Variants in SLC16A7 observed in about 807,000 individuals in gnomAD.
The protein encoded by SLC16A7 is monocarboxylate transporter 2.
Under a neutral mutation model 34.9 loss-of-function variants are expected in SLC16A7, and 33 were observed. The observed-to-expected ratio is 0.94, with a 90% CI of 0.72 to 1.26. SLC16A7 has a LOEUF of 1.26. Among genes scored for constraint, SLC16A7 ranks in the 50% most tolerant of loss-of-function variants. The pLI is 0.00. For synonymous variants in SLC16A7, 201 were observed against 206.6 expected (o/e 0.97, Z 0.23); for missense variants, 573 against 578.1 (o/e 0.99, Z 0.09).
chr12:59,744,587 G>C (rs1348219489), intron 3 of SLC16A7, among the ~76,000 whole-genome samples: 3 of 152,290 alleles, frequency 2.0e-5, no homozygotes, highest in Non-Finnish European at 2.9e-5. Context: ...CACAGGTGCA[G>C]ATGCTAAAGG....
In SLC16A7 at chr12:59,652,979, C is replaced by T. The variant is rs142796860; in HGVS notation, c.-129-2173C>T. On this transcript the variant is annotated intron_variant, in intron 1 of 5. Coordinates refer to ENST00000547379, the MANE Select transcript of SLC16A7 (RefSeq NM_001270623.2). ...AAAACATTTTACTTCATTTTAGCTA[C>T]CTTTCTTTTTAAAAAATCTTTATTT... Among the ~76,000 whole-genome samples, 7 of 151,894 alleles carry T rather than the reference C, an allele frequency of 4.6e-5. No individual in the cohort carries two copies. The East Asian group carries it at 1.4e-3, about 29-fold the overall frequency.
intron 3 of SLC16A7, among the ~76,000 whole-genome samples, chr12:59,754,561 A>G (rs1880046952): frequency 6.6e-6 from 1 of 152,218 alleles, no homozygotes; most frequent in African/African-American, 2.4e-5. Flanking sequence ...AACCAGGAAG[A>G]AGTTGAGTCT....
chr12:59,674,574 C>T (rs576966173), intron 2 of SLC16A7, among the ~76,000 whole-genome samples: 17 of 152,168 alleles, frequency 1.1e-4, no homozygotes, highest in Non-Finnish European at 1.9e-4. Flanking sequence ...TTTTTGTCAG[C>T]GCACCAATGT....
intron 4 of SLC16A7, 59 bp from the exon 5 acceptor site, chr12:59,774,597 TC>T: frequency 9.4e-7 from 1 of 1,058,862 alleles, no homozygotes; most frequent in Non-Finnish European, 1.4e-6. Context: ...AGGAGTAATT[TC>T]TTTTGTGAGT....
At chr12:59,709,511 A>T (rs1873974606) in intron 3 of SLC16A7, among the ~76,000 whole-genome samples, 1 of 151,556 alleles carries the variant, frequency 6.6e-6, no homozygotes, top group East Asian at 1.9e-4. Flanking sequence ...ATTATTCTAC[A>T]TTGTGCCCTA....
intron 2 of SLC16A7, among the ~76,000 whole-genome samples, chr12:59,701,330 T>C: frequency 6.6e-6 from 1 of 150,806 alleles, no homozygotes; most frequent in Non-Finnish European, 1.5e-5. Context: ...GAGTAAATGA[T>C]GGAGCCAGTA....
rs144456899 is a variant in SLC16A7 at position 59,669,652 on chromosome 12, T to TCACACACA, written c.-31+14428_-31+14435dup. On this transcript the variant is annotated intron_variant, in intron 2 of 5. Transcript: ENST00000547379. ...CTCTTTAGCAGTTACCCATAGATAG[T>TCACACACA]CACACACACACACACACACACACAC... Among the ~76,000 whole-genome samples the TCACACACA allele has an allele frequency of 9.2e-3, 1,279 of 139,598 alleles. 25 individuals are homozygous for TCACACACA. Among genetic ancestry groups the TCACACACA allele is most frequent in the African/African-American group, 0.027 (1,014 of 36,896 alleles). 91.6% of individuals were successfully genotyped at this position (139,598 alleles called of 152,430 possible).
intron 3 of SLC16A7, chr12:59,719,934 G>A: frequency 1.8e-6 from 1 of 564,534 alleles, no homozygotes. Flanking sequence ...TGGAACCTTA[G>A]CTATTATAAA....
intron 3 of SLC16A7, among the ~76,000 whole-genome samples, chr12:59,758,308 A>T (rs1351658153): frequency 2.0e-5 from 3 of 152,142 alleles, no homozygotes; most frequent in African/African-American, 4.8e-5. Context: ...TAATTATTAG[A>T]TTTTAATTTA....
intron 2 of SLC16A7, among the ~76,000 whole-genome samples, chr12:59,685,331 A>AT (rs1317433531): frequency 2.6e-5 from 4 of 152,068 alleles, no homozygotes; most frequent in African/African-American, 9.7e-5. Context: ...CTTGGAGAGG[A>AT]TTTTCATAGT....
chr12:59,746,059 C>T (rs1369876783), intron 3 of SLC16A7, among the ~76,000 whole-genome samples: 4 of 152,136 alleles, frequency 2.6e-5, no homozygotes, highest in African/African-American at 9.7e-5. Context: ...AAAAGGAGAA[C>T]CATAATCAAT....
chr12:59,666,567 A>G (rs1419652844), intron 2 of SLC16A7, among the ~76,000 whole-genome samples: 2 of 152,072 alleles, frequency 1.3e-5, no homozygotes, highest in East Asian at 3.9e-4. Context: ...AGTTTTTCCC[A>G]TGCCATTCTT....
chr12:59,745,708 G>A (rs1006360380), intron 3 of SLC16A7, among the ~76,000 whole-genome samples: 1 of 152,194 alleles, frequency 6.6e-6, no homozygotes, highest in Admixed American at 6.5e-5. Context: ...GGTGTACATA[G>A]AGGTTATATT....
chr12:59,699,514 T>C (rs1426479151), intron 2 of SLC16A7, among the ~76,000 whole-genome samples: 5 of 151,708 alleles, frequency 3.3e-5, no homozygotes, highest in African/African-American at 1.2e-4. Context: ...CTACAATAAA[T>C]CTTCTATAAT....
chr12:59,620,598 T>C (rs915728228), intron 1 of SLC16A7, among the ~76,000 whole-genome samples: 2 of 151,892 alleles, frequency 1.3e-5, no homozygotes, highest in Non-Finnish European at 2.9e-5. Flanking sequence ...TGTATTTTCA[T>C]CCTCGAGACA....
At chr12:59,708,266 T>C (rs1249709498) in intron 3 of SLC16A7, among the ~76,000 whole-genome samples, 1 of 152,108 alleles carries the variant, frequency 6.6e-6, no homozygotes, top group Non-Finnish European at 1.5e-5. Context: ...TTCTGAGTCA[T>C]GAGTCTTGTT....
At position 59,699,159 on chromosome 12, in the gene SLC16A7, A is replaced by G. The variant is rs562423556; in HGVS notation, c.-30-5613A>G. Reference sequence around the variant, plus strand: ...TTTATATCTTTGGCAAATGATAAATAGTTATTGATTTTAATCTTTAAGTGA... The same window carrying G: ...TTTATATCTTTGGCAAATGATAAATGGTTATTGATTTTAATCTTTAAGTGA... On this transcript the variant is annotated intron_variant, in intron 2 of 5. Transcript: ENST00000547379. Among the ~76,000 whole-genome samples, 214 of 151,740 alleles carry G rather than the reference A, an allele frequency of 1.4e-3. 1 individual carries two copies. Among genetic ancestry groups the G allele is most frequent in the Middle Eastern group, 6.8e-3 (2 of 294 alleles).
At chr12:59,656,851 G>A (rs1169789008) in intron 2 of SLC16A7, among the ~76,000 whole-genome samples, 3 of 151,836 alleles carry the variant, frequency 2.0e-5, no homozygotes, top group Non-Finnish European at 4.4e-5. Flanking sequence ...GTTTACTAAG[G>A]GAACCAGCTT....
intron 1 of SLC16A7, among the ~76,000 whole-genome samples, chr12:59,622,259 A>C (rs751233667): frequency 2.0e-5 from 3 of 151,904 alleles, no homozygotes; most frequent in Non-Finnish European, 2.9e-5. Context: ...TCTTTCTTCC[A>C]GGCTGAAAAA....
Sources: gnomAD v4.1 joint callset for allele counts (sites outside exome capture counted in the v4.1 genomes callset) on GRCh38, gnomAD v4.1.1 for gene constraint, MANE v1.5 for transcripts, NCBI Gene and HGNC (gene_info 2026-07-23, HGNC 2026-07-21) for gene names.